CCDC7: variants seen among roughly 807,000 people sequenced by gnomAD.
CCDC7 encodes coiled-coil domain containing 7.
A neutral mutation model predicts 196.9 loss-of-function variants in CCDC7; 183 were observed. The ratio of observed to expected loss-of-function variants is 0.93; its 90% confidence interval spans 0.82 to 1.05. The LOEUF (loss-of-function observed/expected upper bound fraction) is 1.05, where lower values mean the gene tolerates loss of function less well. Ranked by LOEUF, CCDC7 falls within the 50% of genes least tolerant of loss-of-function variation. CCDC7 has a pLI of 0.00. For synonymous variants in CCDC7, 525 were observed against 484.6 expected, an observed-to-expected ratio of 1.08 and a Z score of -1.10; for missense variants, 1,540 against 1,482.2, an observed-to-expected ratio of 1.04 and a Z score of -0.64.
At chr10:32,471,474 G>T (rs186826076) in intron 6 of CCDC7, among the ~76,000 whole-genome samples, 2 of 152,104 alleles carry the variant, frequency 1.3e-5, no homozygotes, top group South Asian at 2.1e-4. Context: ...CACACTAGCC[G>T]CATTTAAAGT....
At chr10:32,812,216 A>C (rs1237831167) in intron 30 of CCDC7, among the ~76,000 whole-genome samples, 3 of 152,070 alleles carry the variant, frequency 2.0e-5, no homozygotes, top group Non-Finnish European at 2.9e-5. Context: ...ATAGGCACAA[A>C]TATTATGTAT....
At chr10:32,490,284 G>T (rs889993615) in intron 8 of CCDC7, among the ~76,000 whole-genome samples, 5 of 152,136 alleles carry the variant, frequency 3.3e-5, no homozygotes, top group Admixed American at 3.3e-4. Flanking sequence ...GTGGGGAGAT[G>T]AAGACTGATA....
chr10:32,616,983 T>C (rs2062847539), intron 18 of CCDC7, among the ~76,000 whole-genome samples: 1 of 70,004 alleles, frequency 1.4e-5, no homozygotes, highest in African/African-American at 2.9e-5. Flanking sequence ...ATTATTGGTC[T>C]GTTTGAGAGT....
chr10:32,653,787 C>A (rs2069236054), intron 20 of CCDC7, among the ~76,000 whole-genome samples: 1 of 152,166 alleles, frequency 6.6e-6, no homozygotes, highest in Non-Finnish European at 1.5e-5. Context: ...CACAATTTGA[C>A]TATGATACAT....
At chr10:32,523,528 G>T (rs1161954762) in intron 11 of CCDC7, among the ~76,000 whole-genome samples, 2 of 147,528 alleles carry the variant, frequency 1.4e-5, no homozygotes, top group Non-Finnish European at 3.0e-5. Flanking sequence ...CAGCCTGGGT[G>T]ACAGAGCAAG....
At chr10:32,602,861 CAT>C (rs2061203670) in intron 18 of CCDC7, among the ~76,000 whole-genome samples, 1 of 152,112 alleles carries the variant, frequency 6.6e-6, no homozygotes, top group Non-Finnish European at 1.5e-5. Flanking sequence ...CTTATAGGCA[CAT>C]GTGACATTTG....
intron 21 of CCDC7, among the ~76,000 whole-genome samples, chr10:32,677,612 A>T (rs911874520): frequency 1.3e-5 from 2 of 151,864 alleles, no homozygotes; most frequent in African/African-American, 4.8e-5. Flanking sequence ...TTTATCTTGT[A>T]TGTGATGTCA....
intron 11 of CCDC7, among the ~76,000 whole-genome samples, chr10:32,536,574 G>A (rs10827074): frequency 0.34 from 52,328 of 151,996 alleles, 11,430 homozygotes; most frequent in Non-Finnish European, 0.5. Context: ...TAAACTGCAT[G>A]TCATGGGTGT....
At chr10:32,707,470 G>T (rs191640926) in intron 24 of CCDC7, among the ~76,000 whole-genome samples, 6 of 152,132 alleles carry the variant, frequency 3.9e-5, no homozygotes, top group Admixed American at 3.9e-4. Context: ...GTTCTGGCCC[G>T]GGCAATCAGG....
At chr10:32,799,676 G>T (rs891763199) in intron 29 of CCDC7, among the ~76,000 whole-genome samples, 69 of 152,118 alleles carry the variant, frequency 4.5e-4, no homozygotes, top group African/African-American at 1.5e-3. Context: ...ATTTTACTGA[G>T]GTAAAAGGTC....
At chr10:32,684,054 G>T (rs2076179969) in intron 21 of CCDC7, among the ~76,000 whole-genome samples, 1 of 152,198 alleles carries the variant, frequency 6.6e-6, no homozygotes, top group Non-Finnish European at 1.5e-5. Flanking sequence ...CTGCCTCAGA[G>T]AAATGCAGAG....
intron 19 of CCDC7, 23 bp downstream of exon 20, chr10:32,634,387 T>C: frequency 1.1e-6 from 1 of 945,222 alleles, no homozygotes; most frequent in Non-Finnish European, 1.4e-6. Context: ...ATTATACATA[T>C]CTTTACACTA....
At chr10:32,619,948 A>G in intron 18 of CCDC7, among the ~76,000 whole-genome samples, 1 of 92,764 alleles carries the variant, frequency 1.1e-5, no homozygotes, top group Non-Finnish European at 1.8e-5. Flanking sequence ...TTTGAGACAG[A>G]GTCTTGCCCT....
At position 32,604,291 on chromosome 10, in the gene CCDC7, T is replaced by A. The variant is rs149760770; in HGVS notation, c.1801+19987T>A. Among the ~76,000 whole-genome samples the A allele has an allele frequency of 2.4e-3, 373 of 152,258 alleles. 3 individuals are homozygous for A. Among genetic ancestry groups the A allele is most frequent in the African/African-American group, 8.5e-3 (355 of 41,554 alleles). ...TGGGTTCTCTATTCTGTTCCATTGGTCTATGTGTCTGTTTTTGTTCAATAA... is the reference window on the plus strand; with the variant it reads ...TGGGTTCTCTATTCTGTTCCATTGGACTATGTGTCTGTTTTTGTTCAATAA... On this transcript the variant is annotated intron_variant, in intron 18 of 41. Transcript: ENST00000639629.
At chr10:32,527,602 A>C (rs1241951605) in intron 11 of CCDC7, among the ~76,000 whole-genome samples, 1 of 152,230 alleles carries the variant, frequency 6.6e-6, no homozygotes, top group African/African-American at 2.4e-5. Context: ...CATTTCTAAT[A>C]CTATATAAAT....
At chr10:32,446,155 C>T (rs1432719392) in exon 1 of CCDC7, 2 of 152,138 alleles carry the variant, frequency 1.3e-5, no homozygotes, top group African/African-American at 4.8e-5. Flanking sequence ...CCCCATCCGG[C>T]GCCGGCGGCG....
At chr10:32,811,831 G>T (rs2087200939) in intron 30 of CCDC7, among the ~76,000 whole-genome samples, 3 of 152,112 alleles carry the variant, frequency 2.0e-5, no homozygotes, top group Admixed American at 6.5e-5. Flanking sequence ...CAAAATGCTA[G>T]CAAACCAAAT....
intron 24 of CCDC7, among the ~76,000 whole-genome samples, chr10:32,703,345 C>A (rs1277755095): frequency 6.6e-6 from 1 of 152,044 alleles, no homozygotes; most frequent in African/African-American, 2.4e-5. Context: ...TATTGGCCCC[C>A]ACTCTCTTCC....
chr10:32,617,026 G>A lies in CCDC7; in HGVS notation c.1802-17228G>A, dbSNP rs577299449. Among the ~76,000 whole-genome samples, 210 of 151,852 alleles carry A rather than the reference G, an allele frequency of 1.4e-3. 1 individual carries two copies. Among genetic ancestry groups the A allele is most frequent in the Non-Finnish European group, 9.3e-4 (63 of 67,744 alleles). ...TTTTCTGGTTCGATATTGGGTGTTTGTATGTTTCCAGAAATTTATTTATTT... is the reference window on the plus strand; with the variant it reads ...TTTTCTGGTTCGATATTGGGTGTTTATATGTTTCCAGAAATTTATTTATTT... On this transcript the variant is annotated intron_variant, in intron 18 of 41. Coordinates refer to ENST00000639629, the Ensembl canonical transcript of CCDC7.
Sources: allele counts gnomAD v4.1 joint callset (sites outside exome capture counted in the v4.1 genomes callset), GRCh38; gene constraint gnomAD v4.1.1; transcripts MANE v1.5; gene names NCBI Gene and HGNC (gene_info 2026-07-23, HGNC 2026-07-21).